NWD2: variants seen among roughly 807,000 people sequenced by gnomAD.
NWD2 encodes the protein NACHT and WD repeat domain containing 2.
Under a neutral mutation model 132.7 loss-of-function variants are expected in NWD2, and 37 were observed. The observed-to-expected ratio is 0.28, with a 90% confidence interval of 0.21 to 0.37. The LOEUF is 0.37. Among genes scored for constraint, NWD2 ranks in the 10% least tolerant of loss-of-function variants. NWD2 has a pLI of 1.00. For synonymous variants in NWD2, 705 were observed against 803.0 expected (o/e 0.88, Z 2.06); for missense variants, 1,592 against 2,122.4 (o/e 0.75, Z 4.91).
chr4:37,395,584 C>CAAAAAAAAAAAA (rs1156884728), intron 3 of NWD2, among the ~76,000 whole-genome samples: 302 of 18,272 alleles, frequency 0.017, 77 homozygotes, highest in East Asian at 0.028. Context: ...AACTCTGTCT[C>CAAAAAAAAAAAA]AAAAAAAAAA....
chr4:37,340,347 G>T (rs991480810), intron 2 of NWD2, among the ~76,000 whole-genome samples: 1 of 152,074 alleles, frequency 6.6e-6, no homozygotes, highest in Non-Finnish European at 1.5e-5. Context: ...CTCCTCATTG[G>T]CATCTACCCC....
In NWD2 at chr4:37,364,425, C is replaced by A. The variant is rs114462686; in HGVS notation, c.357+7943C>A. Reference sequence around the variant, plus strand: ...CACCAATGGAGGCAGGTAAGAGGTTCTTCTGTGACTTCACATTTAGAGGGG... The same window carrying A: ...CACCAATGGAGGCAGGTAAGAGGTTATTCTGTGACTTCACATTTAGAGGGG... On this transcript the variant is annotated intron_variant, in intron 3 of 6. Coordinates refer to ENST00000309447, the MANE Select transcript of NWD2 (RefSeq NM_001144990.2). Among the ~76,000 whole-genome samples the A allele has an allele frequency of 7.1e-3, 1,077 of 152,168 alleles. 14 individuals carry two copies. Among genetic ancestry groups the A allele is most frequent in the African/African-American group, 0.024 (1,014 of 41,506 alleles).
chr4:37,334,354 C>A (rs1719355724), intron 2 of NWD2, among the ~76,000 whole-genome samples: 1 of 152,174 alleles, frequency 6.6e-6, no homozygotes, highest in Non-Finnish European at 1.5e-5. Context: ...CAACTCTTCC[C>A]CACGTAAATA....
intron 3 of NWD2, among the ~76,000 whole-genome samples, chr4:37,394,332 G>A (rs1381168259): frequency 6.6e-6 from 1 of 152,224 alleles, no homozygotes; most frequent in African/African-American, 2.4e-5. Context: ...TTGCAAGGGA[G>A]ATAATGAAAT....
At chr4:37,249,124 A>T (rs1717301480) in intron 1 of NWD2, among the ~76,000 whole-genome samples, 1 of 152,230 alleles carries the variant, frequency 6.6e-6, no homozygotes, top group African/African-American at 2.4e-5. Flanking sequence ...TTAATTTTAT[A>T]CAATTTTAAT....
At chr4:37,311,827 A>G (rs1577664180) in intron 1 of NWD2, among the ~76,000 whole-genome samples, 1 of 149,110 alleles carries the variant, frequency 6.7e-6, no homozygotes, top group Non-Finnish European at 1.5e-5. Flanking sequence ...GAAGGGATCC[A>G]GTTTCAGCAT....
intron 3 of NWD2, among the ~76,000 whole-genome samples, chr4:37,407,177 T>C (rs746874145): frequency 2.4e-4 from 36 of 152,132 alleles, no homozygotes; most frequent in Non-Finnish European, 5.0e-4. Flanking sequence ...ATGGCACATG[T>C]ATACCTATGT....
intron 1 of NWD2, among the ~76,000 whole-genome samples, chr4:37,254,600 T>C (rs1717473702): frequency 1.3e-5 from 2 of 152,232 alleles, no homozygotes; most frequent in South Asian, 4.1e-4. Flanking sequence ...TTAAAGACAC[T>C]CTTGCATCAC....
intron 1 of NWD2, among the ~76,000 whole-genome samples, chr4:37,272,896 A>T (rs553833486): frequency 6.6e-6 from 1 of 151,756 alleles, no homozygotes; most frequent in East Asian, 1.9e-4. Context: ...AGCATATGTT[A>T]TCTCCTGGAG....
At chr4:37,380,097 C>T (rs1461052094) in intron 3 of NWD2, among the ~76,000 whole-genome samples, 1 of 152,236 alleles carries the variant, frequency 6.6e-6, no homozygotes, top group Non-Finnish European at 1.5e-5. Flanking sequence ...AGCATTTTCT[C>T]ACGTAATCCT....
In NWD2 at chr4:37,267,786, A is replaced by G. The variant is rs78216105; in HGVS notation, c.151+22568A>G. On this transcript the variant is annotated intron_variant, in intron 1 of 6. Coordinates refer to ENST00000309447, the MANE Select transcript of NWD2 (RefSeq NM_001144990.2). ...AACAATAATTGATACAATTACAACA[A>G]TTAATAATAAGTGGGCTCTGCCTCC... Among the ~76,000 whole-genome samples the G allele has an allele frequency of 6.7e-4, 102 of 152,092 alleles. 1 individual carries two copies. In the East Asian group the frequency reaches 0.017, roughly 25 times the overall value.
intron 5 of NWD2, among the ~76,000 whole-genome samples, chr4:37,435,588 A>G (rs1712300233): frequency 6.6e-6 from 1 of 152,194 alleles, no homozygotes; most frequent in African/African-American, 2.4e-5. Context: ...AGAAAAAAGT[A>G]CCTGGAGTGA....
At chr4:37,316,003 A>C (rs112214261) in intron 1 of NWD2, among the ~76,000 whole-genome samples, 1 of 152,134 alleles carries the variant, frequency 6.6e-6, no homozygotes, top group African/African-American at 2.4e-5. Flanking sequence ...TATTATGTGT[A>C]TGTTAAAATC....
chr4:37,252,159 A>C (rs1717390069), intron 1 of NWD2, among the ~76,000 whole-genome samples: 1 of 152,232 alleles, frequency 6.6e-6, no homozygotes, highest in African/African-American at 2.4e-5. Context: ...AGTGATGATG[A>C]GATCTCCACA....
rs185109055 is a variant in NWD2, at chr4:37,292,835, C to T, written c.152-33101C>T. Among the ~76,000 whole-genome samples, 1,010 of 152,040 alleles carry T rather than the reference C, an allele frequency of 6.6e-3. 6 individuals are homozygous for T. The highest frequency in any genetic ancestry group is 9.5e-3 in the Non-Finnish European group (646 of 67,990). ...CACACGCCCAGTTCACCATAGGGTTCGCACTTCTTTGAGAATCTAATGCCA... is the reference window on the plus strand; with the variant it reads ...CACACGCCCAGTTCACCATAGGGTTTGCACTTCTTTGAGAATCTAATGCCA... On this transcript the variant is annotated intron_variant, in intron 1 of 6. Transcript: ENST00000309447.
At position 37,439,504 on chromosome 4, in the gene NWD2, C is replaced by A. The variant is rs1382773792; in HGVS notation, c.1296+114C>A. 2.6e-6 allele frequency: 2 copies of A among 760,070 alleles called. No individual in the cohort carries two copies. Among genetic ancestry groups the A allele is most frequent in the Non-Finnish European group, 4.0e-6 (2 of 497,738 alleles). 47.1% of individuals were successfully genotyped at this position (760,070 alleles called of 1,614,324 possible). A position where few individuals can be genotyped will look rare whatever the true frequency, so the allele number is the denominator to read the frequency against. On this transcript the variant is annotated intron_variant, in intron 6 of 6. Transcript: ENST00000309447. The surrounding 1 kb of genome is among the most constrained non-coding windows in gnomAD (Gnocchi z 4.5). ...GTTTACTATGTGAATTATAGTTGGT[C>A]TTTTAGGAGTGAATACTGCAGTGCT...
intron 3 of NWD2, among the ~76,000 whole-genome samples, chr4:37,421,168 G>A (rs192651595): frequency 5.9e-5 from 9 of 152,140 alleles, no homozygotes; most frequent in Admixed American, 4.6e-4. Context: ...CTGAAAACTC[G>A]GCTCCTTTTG....
intron 3 of NWD2, among the ~76,000 whole-genome samples, chr4:37,423,180 C>A (rs1025145239): frequency 6.6e-6 from 1 of 152,132 alleles, no homozygotes; most frequent in Non-Finnish European, 1.5e-5. Context: ...TAACAGTTTT[C>A]CAAAAATATT....
At chr4:37,380,561 A>G (rs1466735986) in intron 3 of NWD2, among the ~76,000 whole-genome samples, 1 of 152,256 alleles carries the variant, frequency 6.6e-6, no homozygotes, top group African/African-American at 2.4e-5. Context: ...GGTCTTACCC[A>G]TAGTATGCCT....
Sources: allele counts gnomAD v4.1 joint callset (sites outside exome capture counted in the v4.1 genomes callset), GRCh38; gene constraint gnomAD v4.1.1; non-coding constraint Gnocchi (gnomAD v3.1); transcripts MANE v1.5; gene names NCBI Gene and HGNC (gene_info 2026-07-23, HGNC 2026-07-21).